CAMKMT: variants seen among roughly 807,000 people sequenced by gnomAD.
CAMKMT encodes calmodulin-lysine N-methyltransferase, also known as CaM KMT.
CAMKMT carries 53 observed loss-of-function variants against 48.0 expected under a neutral mutation model. The ratio of observed to expected loss-of-function variants is 1.10; its 90% confidence interval spans 0.89 to 1.39. The LOEUF is 1.39. CAMKMT is among the 40% of genes most tolerant of loss of function. The pLI is 0.00. For synonymous variants in CAMKMT, 165 were observed against 152.3 expected, an observed-to-expected ratio of 1.08 and a Z score of -0.61; for missense variants, 428 against 402.7, an observed-to-expected ratio of 1.06 and a Z score of -0.54.
At chr2:44,670,232 G>A (rs966557809) in intron 3 of CAMKMT, among the ~76,000 whole-genome samples, 13 of 152,138 alleles carry the variant, frequency 8.5e-5, no homozygotes, top group Admixed American at 2.0e-4. Context: ...TTGCTTATAT[G>A]TGATGATTTT....
At chr2:44,426,692 A>G (rs1036848186) in intron 3 of CAMKMT, among the ~76,000 whole-genome samples, 1 of 152,218 alleles carries the variant, frequency 6.6e-6, no homozygotes, top group African/African-American at 2.4e-5. Flanking sequence ...ACAAATGGAA[A>G]AACATTCCAT....
chr2:44,619,615 TA>T (rs1672071451), intron 3 of CAMKMT, among the ~76,000 whole-genome samples: 1 of 152,176 alleles, frequency 6.6e-6, no homozygotes, highest in African/African-American at 2.4e-5. Context: ...AAAATGAAAA[TA>T]TTTTACAGTA....
chr2:44,547,853 A>T (rs954502174), intron 3 of CAMKMT, among the ~76,000 whole-genome samples: 1 of 152,170 alleles, frequency 6.6e-6, no homozygotes, highest in Non-Finnish European at 1.5e-5. Flanking sequence ...ATAATGCAAA[A>T]GGGAGGGCAA....
At chr2:44,656,683 C>A (rs758367724) in intron 3 of CAMKMT, among the ~76,000 whole-genome samples, 1 of 152,096 alleles carries the variant, frequency 6.6e-6, no homozygotes, top group East Asian at 1.9e-4. Context: ...TGCTAAAGGC[C>A]TCTGGAAAAG....
chr2:44,398,302 G>T (rs77416118), intron 3 of CAMKMT, among the ~76,000 whole-genome samples: 1 of 152,132 alleles, frequency 6.6e-6, no homozygotes, highest in East Asian at 1.9e-4. Flanking sequence ...TTTGTGATGG[G>T]AATTGAAACA....
At chr2:44,629,730 T>C (rs1398695031) in intron 3 of CAMKMT, among the ~76,000 whole-genome samples, 2 of 152,104 alleles carry the variant, frequency 1.3e-5, no homozygotes, top group African/African-American at 4.8e-5. Flanking sequence ...AAACCACTGC[T>C]CAATGAAATA....
At chr2:44,639,680 C>T (rs1255579755) in intron 3 of CAMKMT, among the ~76,000 whole-genome samples, 1 of 152,198 alleles carries the variant, frequency 6.6e-6, no homozygotes, top group Admixed American at 6.5e-5. Context: ...GCACCAGCTC[C>T]TATCTTTTGT....
intron 1 of CAMKMT, among the ~76,000 whole-genome samples, chr2:44,364,294 C>T (rs1678362852): frequency 6.6e-6 from 1 of 152,068 alleles, no homozygotes; most frequent in African/African-American, 2.4e-5. Flanking sequence ...TATATATCTG[C>T]CTGCTTATAG....
chr2:44,396,035 C>A (rs935325282), intron 3 of CAMKMT, among the ~76,000 whole-genome samples: 3 of 151,986 alleles, frequency 2.0e-5, no homozygotes, highest in African/African-American at 7.2e-5. Context: ...AGGATGGATT[C>A]TTTAATAAAT....
At chr2:44,673,178 C>T (rs766276319) in intron 3 of CAMKMT, among the ~76,000 whole-genome samples, 6 of 152,026 alleles carry the variant, frequency 3.9e-5, no homozygotes, top group East Asian at 1.9e-4. Context: ...GTAATCCCAG[C>T]ATTTTGGGAG....
intron 9 of CAMKMT, among the ~76,000 whole-genome samples, chr2:44,765,663 G>A (rs1034544385): frequency 1.3e-5 from 2 of 152,124 alleles, no homozygotes; most frequent in African/African-American, 4.8e-5. Context: ...CTGAAATCCA[G>A]TACATACTTT....
At chr2:44,615,292 A>G (rs1026989140) in intron 3 of CAMKMT, among the ~76,000 whole-genome samples, 9 of 152,084 alleles carry the variant, frequency 5.9e-5, no homozygotes, top group Admixed American at 2.6e-4. Context: ...TTTGGCTGGT[A>G]TATAGAGAAT....
chr2:44,707,346 A>G, intron 5 of CAMKMT, 53 bp from the exon 6 acceptor site: 1 of 1,532,764 alleles, frequency 6.5e-7, no homozygotes, highest in Non-Finnish European at 9.0e-7. Flanking sequence ...CTTCACTTCC[A>G]CACAGACAAG....
At chr2:44,756,533 A>T (rs986260929) in intron 9 of CAMKMT, among the ~76,000 whole-genome samples, 2 of 151,972 alleles carry the variant, frequency 1.3e-5, no homozygotes, top group Admixed American at 1.3e-4. Context: ...CAAGGTCAGG[A>T]GATCGAGACC....
chr2:44,715,169 G>A (rs1030871087), intron 6 of CAMKMT, 118 bp from the exon 7 acceptor site: 15 of 622,320 alleles, frequency 2.4e-5, no homozygotes, highest in Admixed American at 2.1e-4. Flanking sequence ...CTCCAGCCTG[G>A]GCAACAGAGC....
chr2:44,518,310 C>T (rs1008705906), intron 3 of CAMKMT, among the ~76,000 whole-genome samples: 2 of 152,112 alleles, frequency 1.3e-5, no homozygotes, highest in Non-Finnish European at 2.9e-5. Flanking sequence ...TAACTATTTG[C>T]ATTATTCTTT....
intron 3 of CAMKMT, among the ~76,000 whole-genome samples, chr2:44,544,806 C>T (rs931028243): frequency 2.6e-4 from 39 of 152,058 alleles, no homozygotes; most frequent in Non-Finnish European, 5.9e-5. Flanking sequence ...CTTTTCTTAT[C>T]AGAGGAAAAT....
chr2:44,467,005 C>T (rs1471928524), intron 3 of CAMKMT, among the ~76,000 whole-genome samples: 1 of 152,130 alleles, frequency 6.6e-6, no homozygotes, highest in Non-Finnish European at 1.5e-5. Context: ...AATCCCAGCA[C>T]CTTGGGAGGC....
At chr2:44,394,215 C>G (rs1479176427) in intron 3 of CAMKMT, among the ~76,000 whole-genome samples, 1 of 151,946 alleles carries the variant, frequency 6.6e-6, no homozygotes, top group Non-Finnish European at 1.5e-5. Flanking sequence ...GGATTCCTGG[C>G]AAATGTTGCA....
Sources: allele counts gnomAD v4.1 joint callset (sites outside exome capture counted in the v4.1 genomes callset), GRCh38; gene constraint gnomAD v4.1.1; transcripts MANE v1.5; gene names NCBI Gene and HGNC (gene_info 2026-07-23, HGNC 2026-07-21).